TRIM35: variants seen among roughly 807,000 people sequenced by gnomAD.
The protein encoded by TRIM35 is E3 ubiquitin-protein ligase TRIM35.
TRIM35 carries 37 observed loss-of-function variants against 49.1 expected under a neutral mutation model. That is an observed-to-expected ratio of 0.75 (90% CI 0.58 to 0.99). TRIM35 has a LOEUF of 0.99. Among genes scored for constraint, TRIM35 ranks in the 50% least tolerant of loss-of-function variants. The pLI, the probability that TRIM35 is intolerant of heterozygous loss-of-function variation, is 0.00. For synonymous variants in TRIM35, 302 were observed against 289.3 expected (o/e 1.04, Z -0.45); for missense variants, 648 against 702.7 (o/e 0.92, Z 0.88).
intron 1 of TRIM35, among the ~76,000 whole-genome samples, chr8:27,302,193 A>G (rs925111963): frequency 2.0e-5 from 3 of 152,216 alleles, no homozygotes; most frequent in African/African-American, 7.2e-5. Context: ...GTTGAGATTT[A>G]GATTAGTACA....
At position 27,311,199 on chromosome 8, in the gene TRIM35, G is replaced by C. The variant is rs774551484; in HGVS notation, c.37C>G (p.Arg13Gly). Residue 13 changes from arginine (R) to glycine (G), a missense_variant, in exon 1 of 6, where the codon CGC becomes GGC. By Grantham distance (125) the Arg-to-Gly change is moderately radical. Transcript: ENST00000305364. ...CAGAGCAACTCCTCCTTGAAGGAGC[G>C]GGAAGGCCCGGGGGACACGTCGGGA... The part of the protein sequence containing the change: ...RSPDVSPGPS[R>G]SFKEELLCAV... 2.5e-6 allele frequency: 4 copies of C among 1,595,240 alleles called. No homozygotes were observed. The highest frequency in any genetic ancestry group is 3.4e-6 in the Non-Finnish European group (4 of 1,169,728).
At chr8:27,293,205 AC>A (rs1802490045) in intron 3 of TRIM35, among the ~76,000 whole-genome samples, 1 of 151,752 alleles carries the variant, frequency 6.6e-6, no homozygotes, top group African/African-American at 2.4e-5. Flanking sequence ...CTACAGCGAC[AC>A]CCCTTCCACA....
rs1282416617 is a variant in TRIM35 at position 27,307,345 on chromosome 8, G to A, written c.435+3456C>T. Among the ~76,000 whole-genome samples, 25 of 145,262 alleles carry A rather than the reference G, an allele frequency of 1.7e-4. 1 individual carries two copies. Among genetic ancestry groups the A allele is most frequent in the African/African-American group, 2.6e-4 (10 of 38,698 alleles). On this transcript the variant is annotated intron_variant, in intron 1 of 5. Transcript: ENST00000305364. ...CGCTGTGCCCCGCCGCCACACCCCC[G>A]CCACACACACACACTGCTCGCCGCC...
intron 1 of TRIM35, among the ~76,000 whole-genome samples, chr8:27,310,560 ATCATGTAACC>A (rs1233930569): frequency 6.6e-6 from 1 of 152,240 alleles, no homozygotes; most frequent in Non-Finnish European, 1.5e-5. Flanking sequence ...TCTTGGGAAC[ATCATGTAACC>A]TCATCTGTCA....
At chr8:27,296,667 T>C (rs993265235) in intron 2 of TRIM35, among the ~76,000 whole-genome samples, 1 of 152,114 alleles carries the variant, frequency 6.6e-6, no homozygotes, top group Admixed American at 6.5e-5. Flanking sequence ...GGCAAGCCAG[T>C]CATATGGCTT....
intron 1 of TRIM35, among the ~76,000 whole-genome samples, chr8:27,309,594 G>A (rs1217789201): frequency 2.6e-5 from 4 of 152,138 alleles, no homozygotes; most frequent in Non-Finnish European, 5.9e-5. Context: ...ATGCAGCTTC[G>A]GGCCAGCTAC....
intron 3 of TRIM35, among the ~76,000 whole-genome samples, chr8:27,291,494 G>C (rs1002343619): frequency 3.3e-5 from 5 of 152,196 alleles, no homozygotes; most frequent in Non-Finnish European, 5.9e-5. Context: ...TGGCCTAGCA[G>C]TTCTTCCAAT....
Position 27,286,426 on chromosome 8 carries a change from G to A in TRIM35, c.*1124C>T, listed in dbSNP as rs1802320867. The A allele has an allele frequency of 3.5e-6, 1 of 287,138 alleles. No homozygotes were observed. Among genetic ancestry groups the A allele is most frequent in the South Asian group, 3.2e-5 (1 of 30,998 alleles). The allele number at this position is 287,138 out of a possible 1,614,324, so 17.8% of individuals were successfully genotyped here. On this transcript the variant is annotated 3_prime_UTR_variant, in exon 6 of 6. Coordinates refer to ENST00000305364, the MANE Select transcript of TRIM35 (RefSeq NM_171982.5). ...TCTCCTTTCTTCCCAACTGAAAAGG[G>A]TGCCCTCTTTCCTTCTTTTCTGCAG...
chr8:27,310,926 G>A lies in TRIM35; in HGVS notation c.310C>T (p.His104Tyr). ...SYRFSRVCRL[H>Y]RGQLSLFCLE... is the part of the protein sequence containing the mutation. ...CAGAAGAGGCTGAGCTGTCCGCGGT[G>A]CAGGCGGCAGACACGCGAGAAGCGG... Residue 104 changes from histidine to tyrosine, a missense_variant, in exon 1 of 6, where the codon CAC (histidine) becomes TAC (tyrosine). Transcript: ENST00000305364. The A allele has an allele frequency of 1.2e-6, 2 of 1,612,570 alleles. No homozygotes were observed. Among genetic ancestry groups the A allele is most frequent in the Non-Finnish European group, 1.7e-6 (2 of 1,179,776 alleles).
intron 1 of TRIM35, among the ~76,000 whole-genome samples, chr8:27,298,771 T>C (rs566899011): frequency 6.6e-6 from 1 of 152,300 alleles, no homozygotes; most frequent in East Asian, 1.9e-4. Flanking sequence ...TAAAGAGCCC[T>C]CAGACATCCT....
chr8:27,310,845 C>A lies in TRIM35; in HGVS notation c.391G>T (p.Gly131Trp), dbSNP rs1802922936. 1 of 1,609,220 alleles carries A rather than the reference C, an allele frequency of 6.2e-7. No homozygotes were observed. The highest frequency in any genetic ancestry group is 8.5e-7 in the Non-Finnish European group (1 of 1,176,812). Residue 131 changes from glycine to tryptophan, a missense_variant, in exon 1 of 6, where the codon GGG becomes TGG. Transcript: ENST00000305364. The stretch of plus-strand genomic sequence containing the variant: ...TCCTTCACCGGCTGCACGCGGTGCC[C>A]CTGGTGTCGGGGGTCGGCCTGGCAG... ...CSCQADPRHQ[G>W]HRVQPVKDTA...
intron 1 of TRIM35, among the ~76,000 whole-genome samples, chr8:27,299,139 C>T (rs995112749): frequency 5.3e-5 from 8 of 152,124 alleles, no homozygotes; most frequent in Admixed American, 2.0e-4. Context: ...TTGTATCGCA[C>T]GGAATACTTT....
At chr8:27,302,924 A>G (rs1018241676) in intron 1 of TRIM35, among the ~76,000 whole-genome samples, 1 of 152,192 alleles carries the variant, frequency 6.6e-6, no homozygotes. Flanking sequence ...TTTATTTATA[A>G]TTATTGGCTT....
chr8:27,292,959 C>G (rs115907407), intron 3 of TRIM35, among the ~76,000 whole-genome samples: 1 of 151,886 alleles, frequency 6.6e-6, no homozygotes, highest in Non-Finnish European at 1.5e-5. Context: ...ACAGAATCCT[C>G]GAGACACACA....
At chr8:27,290,891 T>C (rs1802439294) in intron 3 of TRIM35, among the ~76,000 whole-genome samples, 1 of 152,046 alleles carries the variant, frequency 6.6e-6, no homozygotes, top group African/African-American at 2.4e-5. Context: ...CAAGATAGTA[T>C]GGTACTAATA....
Position 27,286,143 on chromosome 8 carries a change from A to G in TRIM35, c.*1407T>C, listed in dbSNP as rs1481476469. ...CCCAGATTTTAACACTGCTCCTAGG[A>G]AAAAAAAATATTTCCTTTTATGATG... On this transcript the variant is annotated 3_prime_UTR_variant, in exon 6 of 6. Coordinates refer to ENST00000305364, the MANE Select transcript of TRIM35 (RefSeq NM_171982.5). The G allele has an allele frequency of 2.2e-6, 1 of 452,996 alleles. No individual in the cohort carries two copies. Among genetic ancestry groups the G allele is most frequent in the South Asian group, 1.6e-5 (1 of 63,976 alleles). 28.1% of individuals were successfully genotyped at this position (452,996 alleles called of 1,614,324 possible).
chr8:27,311,181 ACTC>A lies in TRIM35; in HGVS notation c.52_54del (p.Glu18del). 1 of 1,604,328 alleles carries A rather than the reference ACTC, an allele frequency of 6.2e-7. No individual in the cohort carries two copies. Among genetic ancestry groups the A allele is most frequent in the Non-Finnish European group, 8.5e-7 (1 of 1,175,820 alleles). ...GGGTCGTAGCAGACGGCGCAGAGCA[ACTC>A]CTCCTTGAAGGAGCGGGAAGGCCCG... On this transcript the variant is annotated inframe_deletion, in exon 1 of 6. Coordinates refer to ENST00000305364, the MANE Select transcript of TRIM35 (RefSeq NM_171982.5).
intron 3 of TRIM35, among the ~76,000 whole-genome samples, chr8:27,292,463 C>T (rs979797423): frequency 1.3e-5 from 2 of 152,118 alleles, no homozygotes; most frequent in Non-Finnish European, 2.9e-5. Context: ...ATTATTCAGC[C>T]ATAAAAAAGA....
At chr8:27,302,661 G>T (rs1233714417) in intron 1 of TRIM35, among the ~76,000 whole-genome samples, 1 of 152,180 alleles carries the variant, frequency 6.6e-6, no homozygotes, top group Admixed American at 6.5e-5. Flanking sequence ...TCCTGCCTCA[G>T]CCTCCCAAAG....
Sources: allele counts gnomAD v4.1 joint callset (sites outside exome capture counted in the v4.1 genomes callset), GRCh38; gene constraint gnomAD v4.1.1; transcripts MANE v1.5; gene names NCBI Gene and HGNC (gene_info 2026-07-23, HGNC 2026-07-21).